The following PPP1R14C variants were observed in gnomAD, a reference collection of about 807,000 sequenced individuals.
PPP1R14C encodes the protein protein phosphatase 1 regulatory subunit 14C.
PPP1R14C carries 16 observed loss-of-function variants against 20.4 expected under a neutral mutation model. That is an observed-to-expected ratio of 0.78 (90% CI 0.53 to 1.19). PPP1R14C has a LOEUF of 1.19. Ranked by LOEUF, PPP1R14C falls within the 50% of genes most tolerant of loss-of-function variation. PPP1R14C has a pLI of 0.00. For synonymous variants in PPP1R14C, 91 were observed against 91.0 expected (o/e 1.00, Z 0.00); for missense variants, 211 against 220.1 (o/e 0.96, Z 0.26).
chr6:150,246,450 T>C (rs1244882833), intron 3 of PPP1R14C, among the ~76,000 whole-genome samples: 2 of 152,284 alleles, frequency 1.3e-5, no homozygotes, highest in Admixed American at 6.5e-5. Context: ...CAATAGGAAA[T>C]GCATTTACAT....
intron 3 of PPP1R14C, among the ~76,000 whole-genome samples, chr6:150,218,695 C>G (rs933515451): frequency 5.3e-5 from 8 of 152,076 alleles, no homozygotes; most frequent in Non-Finnish European, 8.8e-5. Context: ...GTCACCCAGG[C>G]TGGAGTGCAG....
intron 1 of PPP1R14C, among the ~76,000 whole-genome samples, chr6:150,181,481 G>A (rs1297335319): frequency 2.0e-5 from 3 of 150,710 alleles, no homozygotes; most frequent in Admixed American, 6.6e-5. Context: ...AAAAGTTCTC[G>A]AATATTTAAT....
chr6:150,157,821 AG>A (rs1226535355), intron 1 of PPP1R14C, among the ~76,000 whole-genome samples: 1 of 152,232 alleles, frequency 6.6e-6, no homozygotes, highest in African/African-American at 2.4e-5. Context: ...CAAGACACCT[AG>A]GCCCAGAGGG....
chr6:150,155,586 A>G (rs918719968), intron 1 of PPP1R14C, among the ~76,000 whole-genome samples: 2 of 152,188 alleles, frequency 1.3e-5, no homozygotes, highest in African/African-American at 4.8e-5. Context: ...GTATTCTAGC[A>G]TGTTTGGCCA....
chr6:150,159,428 TTGC>T, intron 1 of PPP1R14C, among the ~76,000 whole-genome samples: 1 of 152,258 alleles, frequency 6.6e-6, no homozygotes, highest in Non-Finnish European at 1.5e-5. Context: ...GACCTCCATG[TTGC>T]TAAATTCCAA....
At chr6:150,196,266 A>G (rs749222252) in intron 1 of PPP1R14C, 52 of 322,448 alleles carry the variant, frequency 1.6e-4, no homozygotes, top group Non-Finnish European at 2.1e-4. Context: ...CCTTTATAGC[A>G]TCTGTGTAAG....
chr6:150,186,711 C>T (rs1562264226), intron 1 of PPP1R14C, among the ~76,000 whole-genome samples: 1 of 152,132 alleles, frequency 6.6e-6, no homozygotes, highest in East Asian at 1.9e-4. Context: ...TGACCTGAAG[C>T]TGGGGACGGC....
intron 3 of PPP1R14C, among the ~76,000 whole-genome samples, chr6:150,242,358 G>A (rs1778442399): frequency 2.5e-5 from 1 of 39,456 alleles, no homozygotes; most frequent in Non-Finnish European, 4.4e-5. Flanking sequence ...TCAACAATAT[G>A]TAAAAAAGCC....
chr6:150,245,192 C>T (rs976576781), intron 3 of PPP1R14C, among the ~76,000 whole-genome samples: 5 of 152,300 alleles, frequency 3.3e-5, no homozygotes, highest in Admixed American at 2.0e-4. Context: ...AAATGGGTCC[C>T]GGGTCTACCC....
chr6:150,162,464 T>C (rs914577074), intron 1 of PPP1R14C, among the ~76,000 whole-genome samples: 3 of 152,250 alleles, frequency 2.0e-5, no homozygotes, highest in Admixed American at 2.0e-4. Context: ...ATTTTCAGAC[T>C]AACTTCTTTC....
Position 150,228,018 on chromosome 6 carries a change from C to T in PPP1R14C, c.423+11162C>T, listed in dbSNP as rs559921199. Among the ~76,000 whole-genome samples the T allele has an allele frequency of 2.2e-4, 34 of 152,354 alleles. 1 individual carries two copies. The highest frequency in any genetic ancestry group is 7.0e-4 in the African/African-American group (29 of 41,590). ...CGTGCTGGAGCTGGAATAGGACCCA[C>T]ATTTGAGTCCAAATCCTATGCTCTG... On this transcript the variant is annotated intron_variant, in intron 3 of 3. Coordinates refer to ENST00000361131, the MANE Select transcript of PPP1R14C (RefSeq NM_030949.3).
chr6:150,203,710 C>T (rs1052340258), intron 1 of PPP1R14C, among the ~76,000 whole-genome samples: 8 of 152,216 alleles, frequency 5.3e-5, no homozygotes, highest in East Asian at 1.9e-4. Flanking sequence ...TTGGCTAGAA[C>T]GGGCTTCTGC....
At chr6:150,188,816 T>A (rs1241088979) in intron 1 of PPP1R14C, among the ~76,000 whole-genome samples, 1 of 150,988 alleles carries the variant, frequency 6.6e-6, no homozygotes, top group Non-Finnish European at 1.5e-5. Flanking sequence ...ACATTTTTTC[T>A]TACAGGATTT....
chr6:150,226,907 T>C (rs1018843551), intron 3 of PPP1R14C, among the ~76,000 whole-genome samples: 8 of 152,110 alleles, frequency 5.3e-5, no homozygotes, highest in Non-Finnish European at 8.8e-5. Context: ...CAGAAAGCCA[T>C]GTGTGATCTG....
rs375149041 is a variant in PPP1R14C, at chr6:150,203,244, A to T, written c.307-11500A>T. Among the ~76,000 whole-genome samples the T allele has an allele frequency of 1.7e-4, 26 of 152,312 alleles. 1 individual carries two copies. In the South Asian group the frequency reaches 5.4e-3, roughly 32 times the overall value. ...TCTCTTTCCTCATTGGCCCCTGGCA[A>T]TCCCTGATGGTTTTACTATCTCCAT... On this transcript the variant is annotated intron_variant, in intron 1 of 3. Coordinates refer to ENST00000361131, the MANE Select transcript of PPP1R14C (RefSeq NM_030949.3).
At position 150,185,303 on chromosome 6, in the gene PPP1R14C, A is replaced by G. The variant is rs1343907221; in HGVS notation, c.307-29441A>G. 6.6e-6 allele frequency among the ~76,000 whole-genome samples: 1 copy of G among 152,192 alleles called. No individual in the cohort carries two copies. The highest frequency in any genetic ancestry group is 1.5e-5 in the Non-Finnish European group (1 of 68,038). Reference sequence around the variant, plus strand: ...AACCCTTAGAGAAGTGCCTAGCAGTAGTCAGCCTGACACCGACCATGTCTC... The same window carrying G: ...AACCCTTAGAGAAGTGCCTAGCAGTGGTCAGCCTGACACCGACCATGTCTC... On this transcript the variant is annotated intron_variant, in intron 1 of 3. Transcript: ENST00000361131. This position sits in a 1 kb window ranked among gnomAD's most constrained non-coding sequence, Gnocchi z 4.1.
At position 150,143,127 on chromosome 6, in the gene PPP1R14C, A is replaced by T. The variant is rs1777133631; in HGVS notation, c.-66A>T. 3.4e-6 allele frequency: 4 copies of T among 1,174,736 alleles called. No individual in the cohort carries two copies. Among genetic ancestry groups the T allele is most frequent in the Non-Finnish European group, 4.2e-6 (4 of 954,778 alleles). The allele number at this position is 1,174,736 out of a possible 1,614,324, so 72.8% of individuals were successfully genotyped here. ...ATGCGGCTGCCGGGCCGGAGGTGGT[A>T]GCGGCGCCGGGCGCGCTCCGCCCGC... On this transcript the variant is annotated 5_prime_UTR_variant, in exon 1 of 4. The change abolishes the stop of an existing upstream ORF in the 5' untranslated region. Coordinates refer to ENST00000361131, the MANE Select transcript of PPP1R14C (RefSeq NM_030949.3). The surrounding 1 kb of genome is among the most constrained non-coding windows in gnomAD (Gnocchi z 5.6).
At chr6:150,181,746 G>A (rs1777624081) in intron 1 of PPP1R14C, among the ~76,000 whole-genome samples, 1 of 152,228 alleles carries the variant, frequency 6.6e-6, no homozygotes, top group Non-Finnish European at 1.5e-5. Context: ...CTTTGAGTGT[G>A]TGTGAGCCAT....
intron 1 of PPP1R14C, among the ~76,000 whole-genome samples, chr6:150,206,520 G>C (rs1217168025): frequency 3.9e-5 from 6 of 152,298 alleles, no homozygotes; most frequent in African/African-American, 1.4e-4. Flanking sequence ...CTTCATGTGT[G>C]AGCACTGGTA....
Sources: gnomAD v4.1 joint callset for allele counts (sites outside exome capture counted in the v4.1 genomes callset) on GRCh38, gnomAD v4.1.1 for gene constraint, Gnocchi (gnomAD v3.1) non-coding constraint, MANE v1.5 for transcripts, NCBI Gene and HGNC (gene_info 2026-07-23, HGNC 2026-07-21) for gene names.